The following CHMP5 variants were observed in gnomAD, a reference collection of about 807,000 sequenced individuals.
CHMP5 encodes SNF7 domain containing 2.
A neutral mutation model predicts 33.0 loss-of-function variants in CHMP5; 17 were observed. That is an observed-to-expected ratio of 0.52 (90% CI 0.35 to 0.77). The LOEUF (loss-of-function observed/expected upper bound fraction) is 0.77. Among genes scored for constraint, CHMP5 ranks in the 30% least tolerant of loss-of-function variants. The pLI, the probability that CHMP5 is intolerant of heterozygous loss-of-function variation, is 0.01. For synonymous variants in CHMP5, 76 were observed against 90.2 expected (o/e 0.84, Z 0.89); for missense variants, 216 against 261.5 (o/e 0.83, Z 1.20).
chr9:33,280,218 C>G (rs1205104493), intron 7 of CHMP5, among the ~76,000 whole-genome samples: 1 of 152,172 alleles, frequency 6.6e-6, no homozygotes, highest in African/African-American at 2.4e-5. Flanking sequence ...CTCAAATGAT[C>G]CACCTGCTTC....
rs369807960 is a variant in CHMP5 at position 33,280,205 on chromosome 9, G to A, written c.610-604G>A. 4.5e-4 allele frequency among the ~76,000 whole-genome samples: 69 copies of A among 152,256 alleles called. 1 individual carries two copies. The South Asian group carries it at 0.014, about 31-fold the overall frequency. On this transcript the variant is annotated intron_variant, in intron 7 of 7. Transcript: ENST00000223500. Reference sequence around the variant, plus strand: ...TTGGTCAGGCTGGCCTCGAACTCCTGACCTCAAATGATCCACCTGCTTCAG... The same window carrying A: ...TTGGTCAGGCTGGCCTCGAACTCCTAACCTCAAATGATCCACCTGCTTCAG...
chr9:33,280,858 A>T lies in CHMP5; in HGVS notation c.659A>T (p.Ter220LeuextTer65), dbSNP rs1820914117. Residue 220 changes from the stop codon to leucine, a stop_lost, in exon 8 of 8, where the codon TAG becomes TTG. Coordinates refer to ENST00000223500, the MANE Select transcript of CHMP5 (RefSeq NM_016410.6). Reference sequence around the variant, plus strand: ...GGATTGCCACAGATCCCTGCTTCATAGATTTGCATCATTCAAGCATATCTT... The same window carrying T: ...GGATTGCCACAGATCCCTGCTTCATTGATTTGCATCATTCAAGCATATCTT... ...EFGLPQIPAS[*>L] 1 of 1,610,020 alleles carries T rather than the reference A, an allele frequency of 6.2e-7. No homozygotes were observed. The highest frequency in any genetic ancestry group is 8.5e-7 in the Non-Finnish European group (1 of 1,178,430).
In CHMP5 at chr9:33,265,077, A is replaced by G. The variant is rs1820689330; in HGVS notation, c.-2A>G. The G allele has an allele frequency of 6.2e-7, 1 of 1,614,094 alleles. No individual in the cohort carries two copies. Reference sequence around the variant, plus strand: ...GTTTGGGTTTCTTCGCGGCTGCTCAAGATGAACCGACTCTTCGGGAAAGCG... The same window carrying G: ...GTTTGGGTTTCTTCGCGGCTGCTCAGGATGAACCGACTCTTCGGGAAAGCG... On this transcript the variant is annotated 5_prime_UTR_variant, in exon 1 of 8. Coordinates refer to ENST00000223500, the MANE Select transcript of CHMP5 (RefSeq NM_016410.6).
intron 4 of CHMP5, 78 bp downstream of exon 4, chr9:33,270,794 T>G (rs1820785674): frequency 2.4e-6 from 3 of 1,269,936 alleles, no homozygotes; most frequent in Non-Finnish European, 3.4e-6. Flanking sequence ...TAAAGACAGT[T>G]TAACCAGCCA....
chr9:33,276,711 G>A (rs1820859196), intron 6 of CHMP5, 147 bp downstream of exon 6: 1 of 591,622 alleles, frequency 1.7e-6, no homozygotes, highest in South Asian at 2.1e-5. Flanking sequence ...AAGAGCTTGT[G>A]AGGCAGCCAC....
intron 5 of CHMP5, 113 bp from the exon 6 acceptor site, chr9:33,276,343 C>T: frequency 1.6e-6 from 1 of 614,148 alleles, no homozygotes; most frequent in Non-Finnish European, 2.9e-6. Context: ...ATTTTATATA[C>T]ATTATCTTTT....
intron 1 of CHMP5, 152 bp downstream of exon 1, chr9:33,265,299 C>A: frequency 1.4e-6 from 1 of 739,320 alleles, no homozygotes. Flanking sequence ...CCCCTTCATC[C>A]CTGTTACCCA....
At position 33,265,065 on chromosome 9, in the gene CHMP5, C is replaced by T. The variant is rs758417455; in HGVS notation, c.-14C>T. The T allele has an allele frequency of 1.9e-6, 3 of 1,614,182 alleles. No individual in the cohort carries two copies. Among genetic ancestry groups the T allele is most frequent in the East Asian group, 2.2e-5 (1 of 44,886 alleles). Reference sequence around the variant, plus strand: ...TTTTGCTCTAGTGTTTGGGTTTCTTCGCGGCTGCTCAAGATGAACCGACTC... The same window carrying T: ...TTTTGCTCTAGTGTTTGGGTTTCTTTGCGGCTGCTCAAGATGAACCGACTC... On this transcript the variant is annotated 5_prime_UTR_variant, in exon 1 of 8. Coordinates refer to ENST00000223500, the MANE Select transcript of CHMP5 (RefSeq NM_016410.6).
intron 5 of CHMP5, 125 bp downstream of exon 5, chr9:33,271,348 G>A: frequency 1.4e-6 from 1 of 736,204 alleles, no homozygotes; most frequent in Non-Finnish European, 2.3e-6. Context: ...TACTAGTAGA[G>A]TAACTTCGAG....
rs747863219 is a variant in CHMP5 at position 33,267,877 on chromosome 9, C to A, written c.199C>A (p.Arg67=). The A allele has an allele frequency of 3.1e-6, 5 of 1,611,076 alleles. No individual in the cohort carries two copies. The South Asian group carries it at 5.5e-5, about 18-fold the overall frequency. The change falls in exon 3 of 8, where the codon CGA becomes AGA. Residue 67 remains arginine (R), a synonymous_variant. Transcript: ENST00000223500. ...GAATATGGTCAAGCAGAAAGCCTTG[C>A]GAGTTTTAAAGCAAAAGAGGATGTA... The part of the protein sequence containing the change: ...AKNMVKQKAL[R]VLKQKRMYEQ...
At chr9:33,277,305 C>G (rs1820867807) in intron 6 of CHMP5, among the ~76,000 whole-genome samples, 1 of 152,060 alleles carries the variant, frequency 6.6e-6, no homozygotes. Context: ...AATGCAGCCC[C>G]TACATTCATG....
chr9:33,265,559 C>T (rs542686538), intron 1 of CHMP5, among the ~76,000 whole-genome samples: 1 of 152,208 alleles, frequency 6.6e-6, no homozygotes, highest in South Asian at 2.1e-4. Flanking sequence ...TCTGTGCCTT[C>T]GTCCTGGATC....
At chr9:33,278,562 C>G (rs1368574890) in intron 7 of CHMP5, among the ~76,000 whole-genome samples, 5 of 152,086 alleles carry the variant, frequency 3.3e-5, no homozygotes, top group Admixed American at 6.5e-5. Context: ...TGCTAGGCAG[C>G]AGTGAAAAAG....
chr9:33,265,186 T>A (rs747980186), intron 1 of CHMP5, 39 bp downstream of exon 1: 6 of 1,600,218 alleles, frequency 3.7e-6, no homozygotes, highest in Non-Finnish European at 5.1e-6. Context: ...TCAGGACCTC[T>A]GACACACCCG....
chr9:33,270,709 A>C lies in CHMP5; in HGVS notation c.308A>C (p.Lys103Thr), dbSNP rs760694534. 7 of 1,607,626 alleles carry C rather than the reference A, an allele frequency of 4.4e-6. No individual in the cohort carries two copies. The East Asian group carries it at 1.6e-4, about 36-fold the overall frequency. The change falls in exon 4 of 8, where the codon AAG (lysine) becomes ACG (threonine). Residue 103 changes from lysine to threonine, a missense_variant. By Grantham distance (78) the Lys-to-Thr change is moderately conservative. Coordinates refer to ENST00000223500, the MANE Select transcript of CHMP5 (RefSeq NM_016410.6). The stretch of plus-strand genomic sequence containing the variant: ...ACCATCCAGTCTTTGAAGGACACCA[A>C]GACCACGGTACTCCCAAAACACCTT... ...NYTIQSLKDT[K>T]TTVDAMKLGV...
intron 4 of CHMP5, 98 bp from the exon 5 acceptor site, chr9:33,271,054 A>T: frequency 2.1e-6 from 2 of 957,770 alleles, no homozygotes; most frequent in Non-Finnish European, 3.2e-6. Flanking sequence ...CTGGGCAGCA[A>T]GAGTGCAACT....
intron 5 of CHMP5, among the ~76,000 whole-genome samples, chr9:33,274,646 C>T (rs1011800231): frequency 3.9e-5 from 6 of 152,230 alleles, no homozygotes; most frequent in Admixed American, 1.3e-4. Flanking sequence ...AACAGAGTCT[C>T]GCTCTGTCGC....
chr9:33,279,626 G>A lies in CHMP5; in HGVS notation c.610-1183G>A, dbSNP rs368108350. On this transcript the variant is annotated intron_variant, in intron 7 of 7. Transcript: ENST00000223500. ...AGCCTGTAATCCCAACACTTTGGGA[G>A]GCTGGGGCAGGCGGATCACGAGGTC... Among the ~76,000 whole-genome samples the A allele has an allele frequency of 5.3e-5, 8 of 152,206 alleles. No individual in the cohort carries two copies. The East Asian group carries it at 1.4e-3, about 26-fold the overall frequency.
chr9:33,265,833 GAAT>G (rs1348619947), intron 1 of CHMP5, among the ~76,000 whole-genome samples, 174 bp from the exon 2 acceptor site: 1 of 152,176 alleles, frequency 6.6e-6, no homozygotes, highest in Admixed American at 6.5e-5. Context: ...GGGGGTAAGA[GAAT>G]AATTTATAAA....
Sources: allele counts gnomAD v4.1 joint callset (sites outside exome capture counted in the v4.1 genomes callset), GRCh38; gene constraint gnomAD v4.1.1; transcripts MANE v1.5; gene names NCBI Gene and HGNC (gene_info 2026-07-23, HGNC 2026-07-21).